EPB41L4A: variants seen among roughly 807,000 people sequenced by gnomAD.
EPB41L4A encodes erythrocyte membrane protein band 4.1 like 4A, also known as band 4.1-like protein 4A.
EPB41L4A carries 100 observed loss-of-function variants against 108.6 expected under a neutral mutation model. The observed-to-expected ratio is 0.92, with a 90% confidence interval of 0.78 to 1.09. EPB41L4A has a LOEUF of 1.09. Ranked by LOEUF, EPB41L4A falls within the 50% of genes least tolerant of loss-of-function variation. EPB41L4A has a pLI of 0.00. For missense variants in EPB41L4A, 1,030 were observed against 842.7 expected (o/e 1.22, Z -2.75); for synonymous variants, 319 against 289.0 (o/e 1.10, Z -1.05).
At chr5:112,204,330 T>C (rs377550622) in intron 15 of EPB41L4A, 45 bp downstream of exon 15, 7 of 1,332,854 alleles carry the variant, frequency 5.3e-6, no homozygotes, top group African/African-American at 4.3e-5. Flanking sequence ...TGGGACAAAA[T>C]GCTTCTGTTG....
At position 112,204,249 on chromosome 5, in the gene EPB41L4A, A is replaced by G. The variant is rs1762355932; in HGVS notation, c.1376+126T>C. 6.5e-6 allele frequency: 4 copies of G among 618,522 alleles called. No individual in the cohort carries two copies. In the South Asian group the frequency reaches 1.0e-4, roughly 16 times the overall value. The allele number at this position is 618,522 out of a possible 1,614,324, so 38.3% of individuals were successfully genotyped here. A position where few individuals can be genotyped will look rare whatever the true frequency, so the allele number is the denominator to read the frequency against. The stretch of plus-strand genomic sequence containing the variant: ...TCCTAACTTATTTTATGTCAAAAAG[A>G]GTAAGCTGCTTGTTATCTTGGAGAG... On this transcript the variant is annotated intron_variant, in intron 15 of 22. Coordinates refer to ENST00000261486, the MANE Select transcript of EPB41L4A (RefSeq NM_022140.5).
At chr5:112,205,991 G>C (rs2162733) in intron 13 of EPB41L4A, 1 of 154,886 alleles carries the variant, frequency 6.5e-6, no homozygotes, top group African/African-American at 2.4e-5. Context: ...CCTGGCTTCC[G>C]CCTTATCTTG....
chr5:112,181,574 T>C (rs964481332), intron 18 of EPB41L4A, among the ~76,000 whole-genome samples: 4 of 152,072 alleles, frequency 2.6e-5, no homozygotes, highest in Non-Finnish European at 5.9e-5. Flanking sequence ...TATAACGCAA[T>C]GGCAAAAACT....
upstream of EPB41L4A, chr5:112,419,514 G>C (rs1473980835): frequency 5.1e-6 from 2 of 389,914 alleles, no homozygotes; most frequent in Admixed American, 3.0e-5. Flanking sequence ...ACGTCCTGGC[G>C]TCCGATCGGC....
At chr5:112,386,929 C>T (rs954007930) in intron 1 of EPB41L4A, among the ~76,000 whole-genome samples, 1 of 152,214 alleles carries the variant, frequency 6.6e-6, no homozygotes, top group African/African-American at 2.4e-5. Context: ...CCCACTCCCA[C>T]CGACCTCACC....
At chr5:112,147,446 C>G (rs940621251) in intron 12 of EPB41L4A, among the ~76,000 whole-genome samples, 24 of 151,888 alleles carry the variant, frequency 1.6e-4, no homozygotes, top group African/African-American at 5.8e-4. Flanking sequence ...TCGAGACCAG[C>G]CTGGCCAACA....
chr5:112,339,466 A>C (rs868051102), intron 1 of EPB41L4A, among the ~76,000 whole-genome samples: 3,060 of 54,578 alleles, frequency 0.056, 123 homozygotes, highest in African/African-American at 0.15. Context: ...CTATAGATAT[A>C]TATATATCTA....
intron 1 of EPB41L4A, among the ~76,000 whole-genome samples, chr5:112,410,977 C>A (rs1038492707): frequency 4.6e-5 from 7 of 152,134 alleles, no homozygotes; most frequent in Admixed American, 2.6e-4. Context: ...ATGTCACTGA[C>A]CCGCCCTGAA....
intron 1 of EPB41L4A, among the ~76,000 whole-genome samples, chr5:112,341,781 C>G (rs1012058990): frequency 1.3e-5 from 2 of 151,838 alleles, no homozygotes; most frequent in Non-Finnish European, 2.9e-5. Flanking sequence ...CACACATACA[C>G]ACACACCCCA....
intron 10 of EPB41L4A, among the ~76,000 whole-genome samples, chr5:112,239,982 A>T (rs1050930903): frequency 6.6e-6 from 1 of 152,220 alleles, no homozygotes; most frequent in African/African-American, 2.4e-5. Flanking sequence ...TTTTATCTTT[A>T]CAACATAAAG....
intron 2 of EPB41L4A, among the ~76,000 whole-genome samples, chr5:112,283,889 G>A (rs7724582): frequency 0.17 from 25,992 of 152,052 alleles, 2,410 homozygotes; most frequent in East Asian, 0.35. Context: ...TAACTGCAGG[G>A]TGAGTATACA....
At chr5:112,366,104 C>T (rs1759104183) in intron 1 of EPB41L4A, among the ~76,000 whole-genome samples, 1 of 152,096 alleles carries the variant, frequency 6.6e-6, no homozygotes, top group Admixed American at 6.5e-5. Flanking sequence ...GACCCAGAGA[C>T]AGACTAAGGA....
intron 1 of EPB41L4A, among the ~76,000 whole-genome samples, chr5:112,316,947 G>A (rs1179559332): frequency 6.6e-6 from 1 of 152,154 alleles, no homozygotes; most frequent in East Asian, 1.9e-4. Context: ...GGTGACTTAG[G>A]GCTCCAAGAG....
At chr5:112,384,078 G>A (rs1760342772) in intron 1 of EPB41L4A, among the ~76,000 whole-genome samples, 1 of 152,146 alleles carries the variant, frequency 6.6e-6, no homozygotes, top group South Asian at 2.1e-4. Flanking sequence ...AGAGAGACAG[G>A]AAGTAGGTTA....
chr5:112,184,277 AT>A, intron 17 of EPB41L4A, 142 bp from the exon 18 acceptor site: 1 of 881,412 alleles, frequency 1.1e-6, no homozygotes. Context: ...TATTAACTGA[AT>A]TAATATATCC....
At chr5:112,340,991 G>C (rs1276537603) in intron 1 of EPB41L4A, among the ~76,000 whole-genome samples, 1 of 152,038 alleles carries the variant, frequency 6.6e-6, no homozygotes, top group Non-Finnish European at 1.5e-5. Context: ...TCAGATTTCT[G>C]CTCAAATGTT....
chr5:112,338,617 A>C (rs575648514), intron 1 of EPB41L4A, among the ~76,000 whole-genome samples: 1 of 152,256 alleles, frequency 6.6e-6, no homozygotes, highest in South Asian at 2.1e-4. Context: ...CACCACACAC[A>C]AAAAGATACC....
At chr5:112,356,712 A>C (rs915537024) in intron 1 of EPB41L4A, among the ~76,000 whole-genome samples, 5 of 152,178 alleles carry the variant, frequency 3.3e-5, no homozygotes, top group African/African-American at 1.2e-4. Context: ...CATTGAGTAC[A>C]CTGTGCTGAC....
chr5:112,268,044 G>A (rs1172616652), intron 4 of EPB41L4A, among the ~76,000 whole-genome samples: 2 of 152,184 alleles, frequency 1.3e-5, no homozygotes, highest in Admixed American at 6.5e-5. Context: ...TTGGAAAGGA[G>A]AAAAGCAGAG....
Sources: gnomAD v4.1 joint callset for allele counts (sites outside exome capture counted in the v4.1 genomes callset) on GRCh38, gnomAD v4.1.1 for gene constraint, MANE v1.5 for transcripts, NCBI Gene and HGNC (gene_info 2026-07-23, HGNC 2026-07-21) for gene names.